Variants in FARP1 observed in about 807,000 individuals in gnomAD.
The protein encoded by FARP1 is FERM, ARH/RhoGEF and pleckstrin domain protein 1.
Under a neutral mutation model 128.8 loss-of-function variants are expected in FARP1, and 52 were observed. The ratio of observed to expected loss-of-function variants is 0.40; its 90% CI spans 0.32 to 0.51. The LOEUF is 0.51. Among genes scored for constraint, FARP1 ranks in the 20% least tolerant of loss-of-function variants. The pLI is 0.45. For missense variants in FARP1, 1,333 were observed against 1,367.9 expected, an observed-to-expected ratio of 0.97 and a Z score of 0.40; for synonymous variants, 580 against 551.8, an observed-to-expected ratio of 1.05 and a Z score of -0.72.
intron 1 of FARP1, among the ~76,000 whole-genome samples, chr13:98,178,619 A>C (rs1193635241): frequency 6.6e-6 from 1 of 152,184 alleles, no homozygotes; most frequent in African/African-American, 2.4e-5. Flanking sequence ...TGTTACATGC[A>C]ATTTCTTTTT....
intron 3 of FARP1, among the ~76,000 whole-genome samples, chr13:98,358,478 C>T (rs547086214): frequency 3.0e-4 from 46 of 151,928 alleles, no homozygotes; most frequent in African/African-American, 1.0e-3. Context: ...CTATTTTGAC[C>T]GGAAGTGAAA....
chr13:98,286,542 T>C (rs1248351336), intron 2 of FARP1, among the ~76,000 whole-genome samples: 4 of 152,214 alleles, frequency 2.6e-5, no homozygotes, highest in African/African-American at 7.2e-5. Context: ...TCTGCCGCCA[T>C]GTGAGACATA....
At chr13:98,440,910 A>G in intron 24 of FARP1, 74 bp downstream of exon 24, 3 of 1,432,064 alleles carry the variant, frequency 2.1e-6, no homozygotes, top group Non-Finnish European at 2.8e-6. Context: ...CTTCTGGGCC[A>G]GGGGCTTGAG....
intron 1 of FARP1, among the ~76,000 whole-genome samples, chr13:98,180,893 G>A (rs999826446): frequency 2.0e-5 from 3 of 152,114 alleles, no homozygotes; most frequent in African/African-American, 7.2e-5. Flanking sequence ...TTTAATGCCT[G>A]CATAATGATC....
chr13:98,428,908 A>ACACATGCACG (rs748961864), intron 17 of FARP1, among the ~76,000 whole-genome samples: 2 of 152,234 alleles, frequency 1.3e-5, no homozygotes, highest in East Asian at 1.9e-4. Context: ...AGAGCGACAC[A>ACACATGCACG]CACATGCACG....
At chr13:98,395,157 T>G in intron 12 of FARP1, 70 bp from the exon 13 acceptor site, 1 of 1,500,374 alleles carries the variant, frequency 6.7e-7, no homozygotes, top group Admixed American at 2.2e-5. Flanking sequence ...TCTCCTTTTC[T>G]GTTTTCAGCC....
intron 2 of FARP1, among the ~76,000 whole-genome samples, chr13:98,319,137 T>A (rs1326726928): frequency 6.6e-6 from 1 of 151,754 alleles, no homozygotes; most frequent in African/African-American, 2.4e-5. Context: ...CAGTTTTTGT[T>A]TATTTTTTGT....
At chr13:98,240,275 C>A (rs1594310370) in intron 2 of FARP1, among the ~76,000 whole-genome samples, 1 of 152,242 alleles carries the variant, frequency 6.6e-6, no homozygotes, top group Non-Finnish European at 1.5e-5. Flanking sequence ...AGATCTGAGG[C>A]CTTGGAGGGG....
chr13:98,373,533 G>GCCAGACACACACACACACACAC (rs1555341450), intron 5 of FARP1, among the ~76,000 whole-genome samples: 8 of 130,984 alleles, frequency 6.1e-5, no homozygotes, highest in African/African-American at 2.4e-4. Flanking sequence ...CAGACAGACA[G>GCCAGACACACACACACACACAC]ACACACACAC....
chr13:98,444,680 C>T (rs542528096), intron 24 of FARP1, among the ~76,000 whole-genome samples: 5 of 152,172 alleles, frequency 3.3e-5, no homozygotes, highest in Admixed American at 2.6e-4. Flanking sequence ...ATTGGAATGG[C>T]CAGGCAGAAG....
At chr13:98,218,517 A>G (rs1478789406) in intron 2 of FARP1, among the ~76,000 whole-genome samples, 1 of 152,204 alleles carries the variant, frequency 6.6e-6, no homozygotes, top group African/African-American at 2.4e-5. Context: ...TGAATTCTCC[A>G]GACAGATGGT....
At chr13:98,437,419 A>G (rs1174401506) in intron 19 of FARP1, among the ~76,000 whole-genome samples, 1 of 151,186 alleles carries the variant, frequency 6.6e-6, no homozygotes, top group Non-Finnish European at 1.5e-5. Flanking sequence ...ACAGTTATAG[A>G]TAAAGAAAGG....
chr13:98,323,379 T>C (rs986454890), intron 2 of FARP1, among the ~76,000 whole-genome samples: 3 of 151,194 alleles, frequency 2.0e-5, no homozygotes, highest in Admixed American at 6.6e-5. Flanking sequence ...AATGAGAAAT[T>C]CACATGGCTT....
chr13:98,421,307 G>C (rs995830948), intron 16 of FARP1, among the ~76,000 whole-genome samples: 1 of 152,096 alleles, frequency 6.6e-6, no homozygotes, highest in Admixed American at 6.6e-5. Context: ...ATGACATTTG[G>C]CTTCCATCTC....
intron 17 of FARP1, among the ~76,000 whole-genome samples, chr13:98,429,418 A>C (rs1183341339): frequency 6.6e-6 from 1 of 152,192 alleles, no homozygotes. Flanking sequence ...CATTGCAGAA[A>C]GTTCATTCAA....
chr13:98,238,572 C>T (rs772059077), intron 2 of FARP1, among the ~76,000 whole-genome samples: 1 of 152,116 alleles, frequency 6.6e-6, no homozygotes, highest in Non-Finnish European at 1.5e-5. Context: ...AGGAGAAAGG[C>T]ATGTCTTACG....
intron 1 of FARP1, among the ~76,000 whole-genome samples, chr13:98,144,690 A>G (rs1875384627): frequency 6.6e-6 from 1 of 152,156 alleles, no homozygotes; most frequent in East Asian, 1.9e-4. Flanking sequence ...ATCCTCCAGC[A>G]TTGTCTTGCT....
At chr13:98,294,249 C>T (rs1180705708) in intron 2 of FARP1, among the ~76,000 whole-genome samples, 1 of 152,056 alleles carries the variant, frequency 6.6e-6, no homozygotes, top group Non-Finnish European at 1.5e-5. Flanking sequence ...GTTATGATCA[C>T]CAGTGAAGAA....
chr13:98,275,628 CTTTTT>C (rs201108793), intron 2 of FARP1, among the ~76,000 whole-genome samples: 2 of 67,078 alleles, frequency 3.0e-5, no homozygotes. Context: ...CTCTTTCTCT[CTTTTT>C]TTTTTTTTTT....
Sources: allele counts gnomAD v4.1 joint callset (sites outside exome capture counted in the v4.1 genomes callset), GRCh38; gene constraint gnomAD v4.1.1; transcripts MANE v1.5; gene names NCBI Gene and HGNC (gene_info 2026-07-23, HGNC 2026-07-21).